LRRC7: variants seen among roughly 807,000 people sequenced by gnomAD.
LRRC7 encodes the protein leucine rich repeat containing 7.
A neutral mutation model predicts 175.7 loss-of-function variants in LRRC7; 23 were observed. That is an observed-to-expected ratio of 0.13 (90% CI 0.09 to 0.19). The LOEUF (loss-of-function observed/expected upper bound fraction) is 0.19, where lower values mean the gene tolerates loss of function less well. Ranked by LOEUF, LRRC7 falls within the 10% of genes least tolerant of loss-of-function variation. The probability of loss-of-function intolerance (pLI) is 1.00; values close to 1 mark genes in which losing one functional copy is unlikely to be tolerated. For missense variants in LRRC7, 1,354 were observed against 1,904.7 expected (o/e 0.71, Z 5.38); for synonymous variants, 685 against 680.9 (o/e 1.01, Z -0.09).
chr1:70,072,815 A>T (rs1365754175), intron 23 of LRRC7, among the ~76,000 whole-genome samples: 1 of 152,238 alleles, frequency 6.6e-6, no homozygotes, highest in African/African-American at 2.4e-5. Context: ...CTAAGTAGGG[A>T]ATTGCCTTTT....
intron 2 of LRRC7, among the ~76,000 whole-genome samples, chr1:69,759,622 G>A (rs1670817130): frequency 6.6e-6 from 1 of 151,970 alleles, no homozygotes; most frequent in Non-Finnish European, 1.5e-5. Context: ...CATGAAAACA[G>A]GGTCTTTGTT....
intron 11 of LRRC7, among the ~76,000 whole-genome samples, chr1:69,996,603 A>G (rs1354889637): frequency 6.6e-6 from 1 of 151,990 alleles, no homozygotes; most frequent in Non-Finnish European, 1.5e-5. Context: ...ATCCAGTTTC[A>G]GCTTTCTACA....
intron 26 of LRRC7, among the ~76,000 whole-genome samples, chr1:70,109,109 C>A (rs773912375): frequency 2.6e-5 from 4 of 152,132 alleles, no homozygotes; most frequent in Non-Finnish European, 5.9e-5. Context: ...ACAACCTCCA[C>A]CTCCCGGGTT....
intron 7 of LRRC7, among the ~76,000 whole-genome samples, chr1:69,917,331 T>C (rs1234464076): frequency 6.6e-6 from 1 of 152,122 alleles, no homozygotes; most frequent in African/African-American, 2.4e-5. Flanking sequence ...ATCACACCAA[T>C]GGACTTCCAT....
intron 7 of LRRC7, among the ~76,000 whole-genome samples, chr1:69,907,577 A>G (rs950430899): frequency 2.0e-5 from 3 of 152,190 alleles, no homozygotes; most frequent in African/African-American, 7.2e-5. Context: ...TGATTTATGT[A>G]TGTTGAACCA....
intron 1 of LRRC7, among the ~76,000 whole-genome samples, chr1:69,651,701 T>C (rs1049162318): frequency 6.6e-6 from 1 of 152,074 alleles, no homozygotes; most frequent in African/African-American, 2.4e-5. Context: ...AGAAGAGCAA[T>C]TTTACTTTAC....
chr1:69,768,643 C>T (rs1380977214), intron 3 of LRRC7, among the ~76,000 whole-genome samples: 1 of 152,084 alleles, frequency 6.6e-6, no homozygotes, highest in African/African-American at 2.4e-5. Context: ...TTGACAGTGG[C>T]CATAGGTAAG....
intron 1 of LRRC7, among the ~76,000 whole-genome samples, chr1:69,619,953 AG>A (rs1331178237): frequency 2.0e-5 from 3 of 152,194 alleles, no homozygotes; most frequent in African/African-American, 4.8e-5. Context: ...CAATATAAAA[AG>A]TTCATTGCTT....
chr1:69,766,584 A>C (rs186848316), intron 3 of LRRC7, among the ~76,000 whole-genome samples: 260 of 152,236 alleles, frequency 1.7e-3, no homozygotes, highest in Admixed American at 3.9e-3. Context: ...ATGTATTCTT[A>C]ATACTTACTC....
Position 70,135,791 on chromosome 1 carries a change from A to G in LRRC7, c.*13904A>G, listed in dbSNP as rs1024807074. 2.0e-5 allele frequency among the ~76,000 whole-genome samples: 3 copies of G among 152,038 alleles called. No homozygotes were observed. The highest frequency in any genetic ancestry group is 7.2e-5 in the African/African-American group (3 of 41,380). On this transcript the variant is annotated 3_prime_UTR_variant, in exon 27 of 27. Transcript: ENST00000651989. Reference sequence around the variant, plus strand: ...TGTAATATTTGTCTATACTGTCTTGATTGTTTTAAACCAGCCATCTTTGAT... The same window carrying G: ...TGTAATATTTGTCTATACTGTCTTGGTTGTTTTAAACCAGCCATCTTTGAT...
chr1:70,110,186 C>G (rs1395623002), intron 26 of LRRC7, among the ~76,000 whole-genome samples: 1 of 152,058 alleles, frequency 6.6e-6, no homozygotes, highest in Non-Finnish European at 1.5e-5. Flanking sequence ...TTAAGGCCAG[C>G]CTTGGCAGCA....
chr1:70,029,588 A>G (rs546865036), intron 18 of LRRC7, among the ~76,000 whole-genome samples: 33 of 152,318 alleles, frequency 2.2e-4, no homozygotes, highest in African/African-American at 6.3e-4. Context: ...CACATATTAT[A>G]GTAAAGCAAC....
intron 7 of LRRC7, among the ~76,000 whole-genome samples, chr1:69,844,618 G>A (rs1682127562): frequency 6.6e-6 from 1 of 151,924 alleles, no homozygotes; most frequent in Non-Finnish European, 1.5e-5. Flanking sequence ...CCATATCTTG[G>A]CTACTGTGAA....
intron 7 of LRRC7, among the ~76,000 whole-genome samples, chr1:69,903,593 AAG>A (rs1248446067): frequency 6.6e-6 from 1 of 152,182 alleles, no homozygotes; most frequent in Non-Finnish European, 1.5e-5. Flanking sequence ...TCACAATTAA[AAG>A]AACTAGAGAA....
intron 25 of LRRC7, among the ~76,000 whole-genome samples, chr1:70,097,369 C>CT (rs1319672987): frequency 6.6e-6 from 1 of 152,174 alleles, no homozygotes; most frequent in Non-Finnish European, 1.5e-5. Flanking sequence ...ATCAGTCTGA[C>CT]TGAATATAGC....
rs557583522 is a variant in LRRC7, at chr1:69,811,175, A to T, written c.422-14573A>T. Reference sequence around the variant, plus strand: ...CCAACAAACATATGAAAAAAAGCTCATCATCACTGGTCATTAGAGAAACGC... The same window carrying T: ...CCAACAAACATATGAAAAAAAGCTCTTCATCACTGGTCATTAGAGAAACGC... On this transcript the variant is annotated intron_variant, in intron 4 of 26. Transcript: ENST00000651989. 2.7e-3 allele frequency among the ~76,000 whole-genome samples: 415 copies of T among 152,314 alleles called. 5 individuals are homozygous for T. The highest frequency in any genetic ancestry group is 0.015 in the South Asian group (72 of 4,824).
At chr1:69,885,854 C>T (rs1476919387) in intron 7 of LRRC7, among the ~76,000 whole-genome samples, 1 of 128,764 alleles carries the variant, frequency 7.8e-6, no homozygotes, top group African/African-American at 3.0e-5. Context: ...ATCTTTATTT[C>T]TGCCTTCATT....
At chr1:69,742,904 TAAGAATAAC>T (rs1446567581) in intron 2 of LRRC7, among the ~76,000 whole-genome samples, 1 of 152,020 alleles carries the variant, frequency 6.6e-6, no homozygotes, top group East Asian at 1.9e-4. Flanking sequence ...ATAGATTTAC[TAAGAATAAC>T]AAGATATTCT....
At chr1:69,940,543 A>G (rs956073257) in intron 8 of LRRC7, among the ~76,000 whole-genome samples, 5 of 152,112 alleles carry the variant, frequency 3.3e-5, no homozygotes, top group African/African-American at 1.2e-4. Context: ...TAAATTAATT[A>G]AAAGCTCCCT....
Sources: allele counts gnomAD v4.1 joint callset (sites outside exome capture counted in the v4.1 genomes callset), GRCh38; gene constraint gnomAD v4.1.1; transcripts MANE v1.5; gene names NCBI Gene and HGNC (gene_info 2026-07-23, HGNC 2026-07-21).